Variants in ASAP1 observed in about 807,000 individuals in gnomAD.
The protein encoded by ASAP1 is arf-GAP with SH3 domain, ANK repeat and PH domain-containing protein 1.
A neutral mutation model predicts 145.2 loss-of-function variants in ASAP1; 43 were observed. The observed-to-expected ratio is 0.30, with a 90% CI of 0.23 to 0.38. ASAP1 has a LOEUF of 0.38. ASAP1 is among the 10% of genes least tolerant of loss of function. The pLI, the probability that ASAP1 is intolerant of heterozygous loss-of-function variation, is 1.00. For missense variants in ASAP1, 1,018 were observed against 1,355.3 expected (o/e 0.75, Z 3.91); for synonymous variants, 546 against 515.5 (o/e 1.06, Z -0.80).
chr8:130,276,728 A>ACACACACACACACACT (rs548512902), intron 3 of ASAP1, among the ~76,000 whole-genome samples: 4 of 87,316 alleles, frequency 4.6e-5, no homozygotes, highest in East Asian at 4.9e-4. Flanking sequence ...ACACACACAC[A>ACACACACACACACACT]CTCTCTCTCT....
intron 2 of ASAP1, among the ~76,000 whole-genome samples, chr8:130,366,431 T>G (rs1431900090): frequency 6.6e-6 from 1 of 151,974 alleles, no homozygotes; most frequent in South Asian, 2.1e-4. Context: ...TTTTCTCAAG[T>G]CCAGTTGCCT....
intron 9 of ASAP1, among the ~76,000 whole-genome samples, chr8:130,173,874 A>T (rs1369303970): frequency 1.3e-5 from 2 of 151,688 alleles, no homozygotes; most frequent in Non-Finnish European, 2.9e-5. Flanking sequence ...GGAGTTCGAG[A>T]CCAGCCTGGG....
intron 7 of ASAP1, among the ~76,000 whole-genome samples, chr8:130,185,502 T>C (rs1586545176): frequency 1.3e-5 from 2 of 151,644 alleles, no homozygotes; most frequent in Non-Finnish European, 2.9e-5. Context: ...CTGAGGCAGG[T>C]GGATACCTGA....
At chr8:130,443,048 G>C (rs920620936) in intron 1 of ASAP1, among the ~76,000 whole-genome samples, 1 of 152,052 alleles carries the variant, frequency 6.6e-6, no homozygotes, top group Non-Finnish European at 1.5e-5. Flanking sequence ...ACTTTCCTCG[G>C]CTGCACCAGA....
At chr8:130,292,107 C>T (rs1821982175) in intron 3 of ASAP1, among the ~76,000 whole-genome samples, 1 of 152,152 alleles carries the variant, frequency 6.6e-6, no homozygotes, top group Non-Finnish European at 1.5e-5. Flanking sequence ...CCTGCCCCTA[C>T]TACCCTTTTG....
rs1310465412 is a variant in ASAP1, at chr8:130,401,980, G to A, written c.-27-10C>T. Reference sequence around the variant, plus strand: ...CACATCAGAAAACGACCTGGATAGGGGGCAGGACAAAAAGGGGACAAGAGT... The same window carrying A: ...CACATCAGAAAACGACCTGGATAGGAGGCAGGACAAAAAGGGGACAAGAGT... On this transcript the variant is annotated splice_polypyrimidine_tract_variant and intron_variant, in intron 1 of 29. Transcript: ENST00000518721. The A allele has an allele frequency of 1.9e-6, 3 of 1,589,292 alleles. No homozygotes were observed. Among genetic ancestry groups the A allele is most frequent in the African/African-American group, 1.3e-5 (1 of 74,102 alleles).
At chr8:130,198,650 T>C (rs1279266612) in intron 5 of ASAP1, among the ~76,000 whole-genome samples, 1 of 152,162 alleles carries the variant, frequency 6.6e-6, no homozygotes, top group African/African-American at 2.4e-5. Flanking sequence ...GTAAGATGGG[T>C]CTTAGTCTCA....
chr8:130,435,441 C>T (rs1246390172), intron 1 of ASAP1, among the ~76,000 whole-genome samples: 1 of 152,232 alleles, frequency 6.6e-6, no homozygotes, highest in African/African-American at 2.4e-5. Flanking sequence ...TGCCCTTGCA[C>T]CTCCAGCAGG....
intron 6 of ASAP1, 106 bp from the exon 7 acceptor site, chr8:130,187,391 T>G (rs1381013647): frequency 1.1e-6 from 1 of 921,536 alleles, no homozygotes; most frequent in African/African-American, 1.7e-5. Context: ...TATAGGACAC[T>G]GGGAACTTCA....
chr8:130,357,946 C>T (rs1380771231), intron 3 of ASAP1, 71 bp downstream of exon 3: 1 of 1,522,298 alleles, frequency 6.6e-7, no homozygotes, highest in Non-Finnish European at 8.8e-7. Flanking sequence ...CCTCCCAGCT[C>T]GGAGAGGAGA....
intron 1 of ASAP1, among the ~76,000 whole-genome samples, chr8:130,429,380 T>C (rs1044468654): frequency 6.6e-6 from 1 of 152,162 alleles, no homozygotes; most frequent in Non-Finnish European, 1.5e-5. Context: ...CTCTCACTGT[T>C]CTCCATGTCT....
intron 2 of ASAP1, among the ~76,000 whole-genome samples, chr8:130,370,487 G>T (rs534609795): frequency 2.0e-5 from 3 of 152,304 alleles, no homozygotes; most frequent in African/African-American, 7.2e-5. Flanking sequence ...TTTGTTGTTT[G>T]TAAGCCATCC....
chr8:130,342,830 G>GC (rs1219102530), intron 3 of ASAP1, among the ~76,000 whole-genome samples: 1 of 151,930 alleles, frequency 6.6e-6, no homozygotes, highest in African/African-American at 2.4e-5. Flanking sequence ...GAACCTGGTT[G>GC]CCCCCCACCC....
chr8:130,287,936 C>T (rs529420400), intron 3 of ASAP1, among the ~76,000 whole-genome samples: 16 of 152,102 alleles, frequency 1.1e-4, no homozygotes, highest in African/African-American at 3.6e-4. Context: ...AGGTCCCTAC[C>T]CCAGCCTATC....
intron 2 of ASAP1, chr8:130,361,608 A>C: frequency 1.7e-6 from 2 of 1,201,638 alleles, no homozygotes; most frequent in Non-Finnish European, 2.4e-6. Context: ...GTGCTTTGGT[A>C]AGTATATACC....
chr8:130,431,758 C>G (rs1397461639), intron 1 of ASAP1, among the ~76,000 whole-genome samples: 1 of 151,196 alleles, frequency 6.6e-6, no homozygotes, highest in Non-Finnish European at 1.5e-5. Flanking sequence ...GCAGAGTATG[C>G]AGCACAACAG....
chr8:130,089,955 G>A (rs1480307596), intron 25 of ASAP1, among the ~76,000 whole-genome samples: 1 of 152,216 alleles, frequency 6.6e-6, no homozygotes, highest in Non-Finnish European at 1.5e-5. Flanking sequence ...GTCCTTCAAG[G>A]CTGGTTGTAG....
chr8:130,358,222 G>A lies in ASAP1; in HGVS notation c.60-79C>T, dbSNP rs1468967877. 6.0e-6 allele frequency: 8 copies of A among 1,330,762 alleles called. No individual in the cohort carries two copies. In the Admixed American group the frequency reaches 6.8e-5, roughly 11 times the overall value. The allele number at this position is 1,330,762 out of a possible 1,614,324, so 82.4% of individuals were successfully genotyped here. ...CTCCCGGGGCCGCGGGCCGCCCGGAGGCTCATGAACCCCGGCGCGCAGCCC... is the reference window on the plus strand; with the variant it reads ...CTCCCGGGGCCGCGGGCCGCCCGGAAGCTCATGAACCCCGGCGCGCAGCCC... On this transcript the variant is annotated intron_variant, in intron 2 of 29. Coordinates refer to ENST00000518721, the MANE Select transcript of ASAP1 (RefSeq NM_018482.4). The surrounding 1 kb of genome is among the most constrained non-coding windows in gnomAD (Gnocchi z 4.1).
chr8:130,320,259 A>G (rs1479988311), intron 3 of ASAP1, among the ~76,000 whole-genome samples: 1 of 152,236 alleles, frequency 6.6e-6, no homozygotes, highest in African/African-American at 2.4e-5. Context: ...ATTTAAGATC[A>G]TAAGAAATAC....
Sources: gnomAD v4.1 joint callset for allele counts (sites outside exome capture counted in the v4.1 genomes callset) on GRCh38, gnomAD v4.1.1 for gene constraint, Gnocchi (gnomAD v3.1) non-coding constraint, MANE v1.5 for transcripts, NCBI Gene and HGNC (gene_info 2026-07-23, HGNC 2026-07-21) for gene names.